CRPPA: variants seen among roughly 807,000 people sequenced by gnomAD.
CRPPA encodes the protein CDP-L-ribitol pyrophosphorylase A.
In CRPPA, 43 loss-of-function variants were observed where a neutral mutation model predicts 52.0. The ratio of observed to expected loss-of-function variants is 0.83; its 90% CI spans 0.65 to 1.07. CRPPA has a LOEUF of 1.07. Ranked by LOEUF, CRPPA falls within the 50% of genes least tolerant of loss-of-function variation. CRPPA has a pLI of 0.00. For synonymous variants in CRPPA, 250 were observed against 203.5 expected (o/e 1.23, Z -1.94); for missense variants, 629 against 551.7 (o/e 1.14, Z -1.40).
At chr7:16,143,253 G>A (rs1396313686) in intron 9 of CRPPA, among the ~76,000 whole-genome samples, 2 of 152,216 alleles carry the variant, frequency 1.3e-5, no homozygotes, top group East Asian at 3.9e-4. Flanking sequence ...CAAGAGATGA[G>A]ACCATATGTT....
At chr7:16,180,045 A>G (rs10487914) in intron 9 of CRPPA, among the ~76,000 whole-genome samples, 54,585 of 151,968 alleles carry the variant, frequency 0.36, 11,132 homozygotes, top group East Asian at 0.63. Flanking sequence ...TTAGAACTCT[A>G]TAAGTCACGG....
intron 1 of CRPPA, among the ~76,000 whole-genome samples, chr7:16,412,524 T>C (rs999480334): frequency 3.3e-5 from 5 of 152,210 alleles, no homozygotes; most frequent in African/African-American, 7.2e-5. Context: ...CAACCAAGCA[T>C]ACACCCAGTA....
chr7:16,397,429 T>C (rs1787627756), intron 2 of CRPPA, among the ~76,000 whole-genome samples: 1 of 152,176 alleles, frequency 6.6e-6, no homozygotes, highest in African/African-American at 2.4e-5. Flanking sequence ...GACTGACACG[T>C]GTAACGTGTG....
Position 16,090,549 on chromosome 7 carries a change from C to CA in CRPPA, c.*1145dup, listed in dbSNP as rs56034283. The CA allele has an allele frequency of 0.34, 28,254 of 82,134 alleles. 4,604 individuals are homozygous for CA. The highest frequency in any genetic ancestry group is 0.48 in the South Asian group (983 of 2,042). The allele number at this position is 82,134 out of a possible 1,614,324, so 5.1% of individuals were successfully genotyped here. A position where few individuals can be genotyped will look rare whatever the true frequency, so the allele number is the denominator to read the frequency against. On this transcript the variant is annotated 3_prime_UTR_variant, in exon 10 of 10. Transcript: ENST00000407010. ...CGAAAACCCTTCTCTACTAAAAATA[C>CA]AAAAAAAAAAAAAAAAAAAAAAAAT... is the stretch of plus-strand genomic sequence containing the variant.
intron 9 of CRPPA, among the ~76,000 whole-genome samples, chr7:16,169,502 T>A (rs1405793827): frequency 6.6e-6 from 1 of 152,236 alleles, no homozygotes; most frequent in Non-Finnish European, 1.5e-5. Context: ...TGTCCTGTTT[T>A]ATCGTTTTAC....
chr7:16,398,218 A>T lies in CRPPA; in HGVS notation c.534+7843T>A, dbSNP rs377756199. Among the ~76,000 whole-genome samples, 14 of 152,172 alleles carry T rather than the reference A, an allele frequency of 9.2e-5. No homozygotes were observed. The South Asian group carries it at 2.9e-3, about 32-fold the overall frequency. On this transcript the variant is annotated intron_variant, in intron 2 of 9. Coordinates refer to ENST00000407010, the MANE Select transcript of CRPPA (RefSeq NM_001101426.4). ...GACACGTGATCAAGACATGATCTAC[A>T]TGTAATAACGTGACTGACACGTGAC...
chr7:16,380,428 C>G (rs1787048858), intron 2 of CRPPA, among the ~76,000 whole-genome samples: 1 of 152,114 alleles, frequency 6.6e-6, no homozygotes, highest in Non-Finnish European at 1.5e-5. Context: ...CAATGTTCAT[C>G]AAGGATATTG....
intron 3 of CRPPA, among the ~76,000 whole-genome samples, chr7:16,336,478 T>G (rs1002717130): frequency 1.8e-4 from 27 of 151,574 alleles, no homozygotes; most frequent in Admixed American, 9.2e-4. Flanking sequence ...CAAACCTATA[T>G]TATAGCTGTA....
intron 9 of CRPPA, among the ~76,000 whole-genome samples, chr7:16,211,201 A>T (rs868488150): frequency 6.6e-6 from 1 of 152,240 alleles, no homozygotes; most frequent in African/African-American, 2.4e-5. Context: ...CCATTCTCTA[A>T]TGAGTCTGCC....
Position 16,091,044 on chromosome 7 carries a change from A to C in CRPPA, c.*651T>G, listed in dbSNP as rs1472861699. ...AACTAGAGACCCTTTAAAATAATGT[A>C]AGTCATAATTATAGTTCATAAACCA... On this transcript the variant is annotated 3_prime_UTR_variant, in exon 10 of 10. Transcript: ENST00000407010. 1 of 152,250 alleles carries C rather than the reference A, an allele frequency of 6.6e-6. No homozygotes were observed. The allele number at this position is 152,250 out of a possible 1,614,324, so 9.4% of individuals were successfully genotyped here.
intron 8 of CRPPA, among the ~76,000 whole-genome samples, chr7:16,227,053 T>C (rs1046077942): frequency 3.9e-5 from 6 of 151,958 alleles, no homozygotes; most frequent in Non-Finnish European, 1.5e-5. Context: ...TTCAGCCACG[T>C]TGTTGCAAAT....
chr7:16,178,714 T>A (rs1344630672), intron 9 of CRPPA, among the ~76,000 whole-genome samples: 2 of 152,066 alleles, frequency 1.3e-5, no homozygotes, highest in Admixed American at 6.6e-5. Flanking sequence ...TATGGATACA[T>A]AAAAACATTC....
chr7:16,416,565 T>G (rs1391835159), intron 1 of CRPPA, among the ~76,000 whole-genome samples: 1 of 151,506 alleles, frequency 6.6e-6, no homozygotes, highest in African/African-American at 2.4e-5. Flanking sequence ...CCAGGTGTGG[T>G]CACTCACACT....
chr7:16,389,928 A>AAAAAAAAAAAAAAAAAAAAAAAAAT, intron 2 of CRPPA, among the ~76,000 whole-genome samples: 1 of 29,770 alleles, frequency 3.4e-5, no homozygotes, highest in African/African-American at 1.7e-4. Context: ...AAAAAAAAAA[A>AAAAAAAAAAAAAAAAAAAAAAAAAT]ATATATATAT....
intron 9 of CRPPA, among the ~76,000 whole-genome samples, chr7:16,186,906 CGTGGAAA>C (rs1304298105): frequency 1.3e-5 from 2 of 152,094 alleles, no homozygotes; most frequent in Admixed American, 6.6e-5. Flanking sequence ...TGTTAACCTA[CGTGGAAA>C]GTTTGCTGAA....
chr7:16,185,635 A>G (rs760428309), intron 9 of CRPPA, among the ~76,000 whole-genome samples: 1 of 152,214 alleles, frequency 6.6e-6, no homozygotes. Flanking sequence ...TCAACTGATG[A>G]TTAAGAGAAT....
intron 9 of CRPPA, among the ~76,000 whole-genome samples, chr7:16,130,784 T>C (rs1782666353): frequency 6.6e-6 from 1 of 152,212 alleles, no homozygotes; most frequent in Non-Finnish European, 1.5e-5. Flanking sequence ...GTAGACTGAA[T>C]ATCTGTGTCC....
At chr7:16,288,141 C>T (rs1020591167) in intron 5 of CRPPA, among the ~76,000 whole-genome samples, 10 of 152,006 alleles carry the variant, frequency 6.6e-5, no homozygotes, top group African/African-American at 2.4e-4. Context: ...TTGAGCCACC[C>T]AGACTTGGTA....
chr7:16,204,407 T>G (rs1308411822), intron 9 of CRPPA, among the ~76,000 whole-genome samples: 1 of 152,034 alleles, frequency 6.6e-6, no homozygotes, highest in African/African-American at 2.4e-5. Flanking sequence ...CAGTTATTAG[T>G]GGGAGCTAAA....
Sources: allele counts gnomAD v4.1 joint callset (sites outside exome capture counted in the v4.1 genomes callset), GRCh38; gene constraint gnomAD v4.1.1; transcripts MANE v1.5; gene names NCBI Gene and HGNC (gene_info 2026-07-23, HGNC 2026-07-21).